Variants in EIF2AK1 observed in about 807,000 individuals in gnomAD.
EIF2AK1 encodes eukaryotic translation initiation factor 2-alpha kinase 1.
A neutral mutation model predicts 77.9 loss-of-function variants in EIF2AK1; 54 were observed. That is an observed-to-expected ratio of 0.69 (90% CI 0.56 to 0.87). The LOEUF is 0.87. EIF2AK1 is among the 40% of genes least tolerant of loss of function. EIF2AK1 has a pLI of 0.00. For missense variants in EIF2AK1, 810 were observed against 768.6 expected, an observed-to-expected ratio of 1.05 and a Z score of -0.64; for synonymous variants, 314 against 290.5, an observed-to-expected ratio of 1.08 and a Z score of -0.82.
rs1235202112 is a variant in EIF2AK1, at chr7:6,027,397, A to G, written c.1531-436T>C. Among the ~76,000 whole-genome samples the G allele has an allele frequency of 1.3e-5, 2 of 152,198 alleles. No homozygotes were observed. The highest frequency in any genetic ancestry group is 2.9e-5 in the Non-Finnish European group (2 of 68,038). On this transcript the variant is annotated intron_variant, in intron 13 of 14. Transcript: ENST00000199389. The surrounding 1 kb of genome is among the most constrained non-coding windows in gnomAD (Gnocchi z 4.5). ...CTTGGTGACATTTAACAAACTGCATAAAATCTGTGATACTACTCCTAAAAA... is the reference window on the plus strand; with the variant it reads ...CTTGGTGACATTTAACAAACTGCATGAAATCTGTGATACTACTCCTAAAAA...
chr7:6,049,805 T>G, intron 3 of EIF2AK1, 107 bp downstream of exon 3: 1 of 1,195,662 alleles, frequency 8.4e-7, no homozygotes, highest in South Asian at 1.4e-5. Context: ...AGTTTATACT[T>G]TTAAAAACTT....
intron 11 of EIF2AK1, among the ~76,000 whole-genome samples, chr7:6,030,329 G>A (rs550774463): frequency 5.9e-5 from 9 of 152,250 alleles, no homozygotes; most frequent in Non-Finnish European, 1.3e-4. Flanking sequence ...CTGAGGTAGG[G>A]TCTTGCATGC....
chr7:6,056,613 A>AAAAAAAAAAAAATATATCTCC, intron 1 of EIF2AK1, among the ~76,000 whole-genome samples: 1 of 43,730 alleles, frequency 2.3e-5, no homozygotes, highest in Non-Finnish European at 4.7e-5. Flanking sequence ...AAAAAAAAAA[A>AAAAAAAAAAAAATATATCTCC]ATATATATAT....
chr7:6,056,552 C>T (rs374214757), intron 1 of EIF2AK1, among the ~76,000 whole-genome samples: 9 of 140,222 alleles, frequency 6.4e-5, no homozygotes, highest in East Asian at 4.2e-4. Context: ...CGAGATCGCG[C>T]GACTGCACTC....
At position 6,028,954 on chromosome 7, in the gene EIF2AK1, G is replaced by A; in HGVS notation, c.1411C>T (p.Gln471Ter). The A allele has an allele frequency of 1.2e-6, 2 of 1,610,750 alleles. No individual in the cohort carries two copies. Among genetic ancestry groups the A allele is most frequent in the Non-Finnish European group, 1.7e-6 (2 of 1,179,336 alleles). ...DFGLACTDILQKNTDWTNRNG... is the reference protein window; with the variant it reads ...DFGLACTDIL ...CTGTTGGTCCAGTCTGTGTTCTTCT[G>A]TAGGATGTCTGTGCAGGCCAGACCA... Residue 471 changes from glutamine to a stop codon, truncating the protein, a stop_gained, in exon 12 of 15, where the codon CAG (glutamine) becomes TAG (stop). Coordinates refer to ENST00000199389, the MANE Select transcript of EIF2AK1 (RefSeq NM_014413.4). LOFTEE classifies it high-confidence loss of function.
intron 1 of EIF2AK1, 35 bp downstream of exon 1, chr7:6,058,931 G>T: frequency 1.3e-6 from 2 of 1,485,262 alleles, no homozygotes; most frequent in Non-Finnish European, 1.8e-6. Flanking sequence ...TGGACAGAGA[G>T]AGCAGAGCGG....
chr7:6,044,413 G>C, intron 7 of EIF2AK1, 149 bp downstream of exon 7: 1 of 607,092 alleles, frequency 1.6e-6, no homozygotes. Context: ...GGAGCAGCCT[G>C]GGCGACAGAG....
At chr7:6,031,457 C>T in intron 11 of EIF2AK1, 1 of 1,550,818 alleles carries the variant, frequency 6.4e-7, no homozygotes, top group Non-Finnish European at 8.7e-7. Context: ...ATCTGCAGCA[C>T]TTCACTCGAA....
Position 6,022,302 on chromosome 7 carries a change from G to A in EIF2AK1, c.*2371C>T, listed in dbSNP as rs1305371161. 1.3e-5 allele frequency: 2 copies of A among 152,150 alleles called. No individual in the cohort carries two copies. The highest frequency in any genetic ancestry group is 4.8e-5 in the African/African-American group (2 of 41,422). 9.4% of individuals were successfully genotyped at this position (152,150 alleles called of 1,614,324 possible). ...GTAAGAATATAGCATATAATATACA[G>A]ACCATACAAAACGTGTTAATCAACT... On this transcript the variant is annotated 3_prime_UTR_variant, in exon 15 of 15. Coordinates refer to ENST00000199389, the MANE Select transcript of EIF2AK1 (RefSeq NM_014413.4).
intron 4 of EIF2AK1, 101 bp from the exon 5 acceptor site, chr7:6,047,192 T>C: frequency 8.5e-7 from 1 of 1,180,710 alleles, no homozygotes; most frequent in Non-Finnish European, 1.3e-6. Flanking sequence ...AAACCTCATG[T>C]ATCACTAAGC....
In EIF2AK1 at chr7:6,034,933, C is replaced by G. The variant is rs192852791; in HGVS notation, c.1332+2491G>C. ...AAAATGTCGGGTAGGAGAGCAGAGA[C>G]AGAGCCTCTAAGAAAGGAGTCAACG... On this transcript the variant is annotated intron_variant, in intron 11 of 14. Coordinates refer to ENST00000199389, the MANE Select transcript of EIF2AK1 (RefSeq NM_014413.4). Among the ~76,000 whole-genome samples the G allele has an allele frequency of 1.1e-3, 160 of 152,252 alleles. 1 individual carries two copies. The highest frequency in any genetic ancestry group is 1.7e-3 in the Non-Finnish European group (119 of 68,024).
intron 6 of EIF2AK1, 33 bp from the exon 7 acceptor site, chr7:6,044,694 G>T: frequency 6.3e-7 from 1 of 1,580,022 alleles, no homozygotes; most frequent in Non-Finnish European, 8.7e-7. Context: ...TCTGCCTTTT[G>T]CTGATAACTT....
chr7:6,057,069 G>C lies in EIF2AK1; in HGVS notation c.118+1897C>G, dbSNP rs142264438. On this transcript the variant is annotated intron_variant, in intron 1 of 14. Transcript: ENST00000199389. ...GCACTTTGGGAAGCTGAGGCAGGAGGATCCGTTGAACCCAGGAGTTTGAGA... is the reference window on the plus strand; with the variant it reads ...GCACTTTGGGAAGCTGAGGCAGGAGCATCCGTTGAACCCAGGAGTTTGAGA... Among the ~76,000 whole-genome samples, 555 of 151,208 alleles carry C rather than the reference G, an allele frequency of 3.7e-3. 2 individuals carry two copies. Among genetic ancestry groups the C allele is most frequent in the Non-Finnish European group, 5.9e-3 (400 of 67,928 alleles).
chr7:6,028,803 T>C, intron 12 of EIF2AK1, 106 bp from the exon 13 acceptor site: 1 of 1,407,570 alleles, frequency 7.1e-7, no homozygotes, highest in Non-Finnish European at 1.0e-6. Flanking sequence ...CAACAGTTGC[T>C]TTGTATCTTT....
intron 11 of EIF2AK1, among the ~76,000 whole-genome samples, chr7:6,030,701 G>T (rs528216869): frequency 5.3e-5 from 8 of 152,184 alleles, no homozygotes; most frequent in Non-Finnish European, 1.2e-4. Context: ...GTTTCACCAT[G>T]TTGGCCAGTA....
chr7:6,026,068 C>T (rs1176876893), intron 14 of EIF2AK1, among the ~76,000 whole-genome samples: 1 of 152,154 alleles, frequency 6.6e-6, no homozygotes, highest in Non-Finnish European at 1.5e-5. Flanking sequence ...CCACCCCTGC[C>T]TCTCCCCGGT....
Position 6,023,628 on chromosome 7 carries a change from G to T in EIF2AK1, c.*1045C>A. 6.2e-7 allele frequency: 1 copy of T among 1,614,168 alleles called. No individual in the cohort carries two copies. Among genetic ancestry groups the T allele is most frequent in the Non-Finnish European group, 8.5e-7 (1 of 1,180,024 alleles). On this transcript the variant is annotated 3_prime_UTR_variant, in exon 15 of 15. Transcript: ENST00000199389. ...GTGTGACAGTGCCAGCCAATGTGCA[G>T]AGGTGGATGAGGTCTTGTGAAAACC...
rs1787687111 is a variant in EIF2AK1 at position 6,024,682 on chromosome 7, G to GC, written c.1883dup (p.Val629ArgfsTer19). ...AAAGTTAAGTCCACTTTCATCCCAC[G>GC]CCCCCATCCTTTCCGTCATCCCTCA... On this transcript the variant is annotated frameshift_variant, in exon 15 of 15. Coordinates refer to ENST00000199389, the MANE Select transcript of EIF2AK1 (RefSeq NM_014413.4). LOFTEE classifies it high-confidence loss of function. 3.1e-6 allele frequency: 5 copies of GC among 1,613,206 alleles called. No individual in the cohort carries two copies. In the East Asian group the frequency reaches 1.1e-4, roughly 36 times the overall value.
intron 2 of EIF2AK1, among the ~76,000 whole-genome samples, chr7:6,054,103 C>T (rs1343561480): frequency 2.0e-5 from 3 of 151,942 alleles, no homozygotes; most frequent in African/African-American, 4.8e-5. Flanking sequence ...CACTATCCTC[C>T]CAGCCTCTGG....
Sources: allele counts gnomAD v4.1 joint callset (sites outside exome capture counted in the v4.1 genomes callset), GRCh38; gene constraint gnomAD v4.1.1; non-coding constraint Gnocchi (gnomAD v3.1); transcripts MANE v1.5; gene names NCBI Gene and HGNC (gene_info 2026-07-23, HGNC 2026-07-21).